The following ZNF236 variants were observed in gnomAD, a reference collection of about 807,000 sequenced individuals.
The protein encoded by ZNF236 is regulated by glucose.
ZNF236 carries 50 observed loss-of-function variants against 191.2 expected under a neutral mutation model. That is an observed-to-expected ratio of 0.26 (90% CI 0.21 to 0.33). The LOEUF (loss-of-function observed/expected upper bound fraction) is 0.33. Ranked by LOEUF, ZNF236 falls within the 10% of genes least tolerant of loss-of-function variation. The pLI is 1.00. For synonymous variants in ZNF236, 907 were observed against 928.8 expected (o/e 0.98, Z 0.43); for missense variants, 1,754 against 2,374.5 (o/e 0.74, Z 5.43).
intron 1 of ZNF236, chr18:76,824,333 G>A: frequency 1.3e-6 from 1 of 781,108 alleles, no homozygotes; most frequent in Non-Finnish European, 2.4e-6. Flanking sequence ...ACCAACAGGC[G>A]TTTCAGCGAG....
At chr18:76,871,638 T>G in intron 4 of ZNF236, 63 bp from the exon 5 acceptor site, 1 of 1,586,072 alleles carries the variant, frequency 6.3e-7, no homozygotes, top group Non-Finnish European at 8.6e-7. Flanking sequence ...AGGATTTTCA[T>G]TTTGAAATTA....
intron 1 of ZNF236, among the ~76,000 whole-genome samples, chr18:76,843,775 CAAAAA>C (rs780026489): frequency 2.1e-3 from 17 of 8,258 alleles, no homozygotes; most frequent in African/African-American, 6.8e-3. Flanking sequence ...GACTCCGTCT[CAAAAA>C]AAAAAAAAAA....
chr18:76,856,573 C>T (rs929288016), intron 3 of ZNF236, among the ~76,000 whole-genome samples: 2 of 152,124 alleles, frequency 1.3e-5, no homozygotes, highest in South Asian at 4.1e-4. Context: ...ATTTATATTT[C>T]TTTAATTATG....
chr18:76,928,935 C>G (rs1967780044), intron 25 of ZNF236, among the ~76,000 whole-genome samples: 1 of 150,906 alleles, frequency 6.6e-6, no homozygotes, highest in Non-Finnish European at 1.5e-5. Flanking sequence ...ATTTAAGACT[C>G]GTAACCTGAT....
At chr18:76,840,563 A>G (rs559923676) in intron 1 of ZNF236, among the ~76,000 whole-genome samples, 151 of 151,960 alleles carry the variant, frequency 9.9e-4, no homozygotes, top group Non-Finnish European at 1.6e-3. Flanking sequence ...ACACGAATAC[A>G]ACGAATACAT....
At chr18:76,958,639 C>G (rs972429819) in intron 28 of ZNF236, among the ~76,000 whole-genome samples, 2 of 152,194 alleles carry the variant, frequency 1.3e-5, no homozygotes, top group African/African-American at 4.8e-5. Context: ...GTGGGAACCC[C>G]AGACGGAGTG....
intron 3 of ZNF236, among the ~76,000 whole-genome samples, chr18:76,857,567 G>T (rs1422397825): frequency 1.3e-5 from 2 of 152,126 alleles, no homozygotes; most frequent in Admixed American, 6.5e-5. Context: ...AGAGTAGAAG[G>T]CTCGGGGTTT....
Position 76,881,351 on chromosome 18 carries a change from C to T in ZNF236, c.1256C>T (p.Ala419Val), listed in dbSNP as rs1325216244. 6.2e-7 allele frequency: 1 copy of T among 1,614,152 alleles called. No individual in the cohort carries two copies. ...GCACATCCTAATGACTCCTGCCATG[C>T]CAAGACCTCTGCACCACACGCTCAA... ...AAAHPNDSCH[A>V]KTSAPHAQNP... The change falls in exon 9 of 31, where the codon GCC becomes GTC. Residue 419 changes from alanine to valine, a missense_variant. Ala to Val is a moderately conservative substitution (Grantham distance 64). Coordinates refer to ENST00000320610, the MANE Select transcript of ZNF236 (RefSeq NM_001306089.2).
Position 76,905,141 on chromosome 18 carries a change from T to C in ZNF236, c.2037-14T>C. 6.3e-7 allele frequency: 1 copy of C among 1,594,504 alleles called. No homozygotes were observed. Among genetic ancestry groups the C allele is most frequent in the South Asian group, 1.1e-5 (1 of 88,472 alleles). On this transcript the variant is annotated splice_polypyrimidine_tract_variant and intron_variant, in intron 12 of 30. Transcript: ENST00000320610. ...TAAGAAACATATTCATTAAAATGTGTATTTTTTTTTAAGATCCCATACAGG... is the reference window on the plus strand; with the variant it reads ...TAAGAAACATATTCATTAAAATGTGCATTTTTTTTTAAGATCCCATACAGG...
At chr18:76,834,374 GGT>G in intron 1 of ZNF236, 1 of 178,168 alleles carries the variant, frequency 5.6e-6, no homozygotes. Flanking sequence ...CTTTCCTTAG[GGT>G]TTTTTTTTTT....
At position 76,899,056 on chromosome 18, in the gene ZNF236, A is replaced by C. The variant is rs1977514315; in HGVS notation, c.1728A>C (p.Lys576Asn). 6.2e-7 allele frequency: 1 copy of C among 1,614,060 alleles called. No homozygotes were observed. The highest frequency in any genetic ancestry group is 8.5e-7 in the Non-Finnish European group (1 of 1,180,012). ...RPFACPHCDKKFRTSGHRKTH... is the reference protein window; with the variant it reads ...RPFACPHCDKNFRTSGHRKTH... Reference sequence around the variant, plus strand: ...TTGCTTGTCCTCACTGTGACAAAAAATTTCGAACCTCAGGCCATAGGAAGA... The same window carrying C: ...TTGCTTGTCCTCACTGTGACAAAAACTTTCGAACCTCAGGCCATAGGAAGA... The change falls in exon 11 of 31, where the codon AAA becomes AAC. Residue 576 changes from lysine (K) to asparagine (N), a missense_variant. Physicochemically the swap from Lys to Asn is moderately conservative, Grantham distance 94. Coordinates refer to ENST00000320610, the MANE Select transcript of ZNF236 (RefSeq NM_001306089.2).
Position 76,899,196 on chromosome 18 carries a change from A to G in ZNF236, c.1868A>G (p.Gln623Arg). Residue 623 changes from glutamine (Q) to arginine (R), a missense_variant, in exon 11 of 31, where the codon CAG becomes CGG. Coordinates refer to ENST00000320610, the MANE Select transcript of ZNF236 (RefSeq NM_001306089.2). ...ATTCCAGTCCCTGATATTCCTTTGC[A>G]GGAACCAATCCTCATAACTGACTTA... Reference protein sequence around the residue: ...TNIPVPDIPLQEPILITDLGL... With the variant: ...TNIPVPDIPLREPILITDLGL... The G allele has an allele frequency of 6.2e-7, 1 of 1,614,062 alleles. No individual in the cohort carries two copies. Among genetic ancestry groups the G allele is most frequent in the Non-Finnish European group, 8.5e-7 (1 of 1,179,930 alleles).
At chr18:76,826,350 C>T (rs1401227483) in intron 1 of ZNF236, among the ~76,000 whole-genome samples, 2 of 149,572 alleles carry the variant, frequency 1.3e-5, no homozygotes, top group African/African-American at 2.5e-5. Flanking sequence ...TCTCGAACTC[C>T]TGACCTCAAA....
intron 4 of ZNF236, 114 bp downstream of exon 4, chr18:76,868,977 C>A: frequency 9.9e-7 from 1 of 1,013,626 alleles, no homozygotes; most frequent in East Asian, 2.6e-5. Flanking sequence ...AAGTGGAACC[C>A]CACAGATAAT....
intron 1 of ZNF236, chr18:76,834,700 A>G: frequency 2.3e-6 from 1 of 428,604 alleles, no homozygotes; most frequent in Non-Finnish European, 4.5e-6. Flanking sequence ...CAGTTTGCTG[A>G]CCTTTATAGT....
At position 76,905,168 on chromosome 18, in the gene ZNF236, G is replaced by A; in HGVS notation, c.2050G>A (p.Glu684Lys). The A allele has an allele frequency of 1.2e-6, 2 of 1,613,172 alleles. No homozygotes were observed. The highest frequency in any genetic ancestry group is 1.7e-6 in the Non-Finnish European group (2 of 1,179,450). The change falls in exon 13 of 31, where the codon GAA becomes AAA. Residue 684 changes from glutamate (E) to lysine (K), a missense_variant. Glu to Lys is a moderately conservative substitution (Grantham distance 56). Coordinates refer to ENST00000320610, the MANE Select transcript of ZNF236 (RefSeq NM_001306089.2). Reference protein sequence around the residue: ...LKQHIRSHTGEKPFKCSQCGR... With the variant: ...LKQHIRSHTGKKPFKCSQCGR... ...TTTTTTTTTAAGATCCCATACAGGT[G>A]AAAAACCTTTTAAATGTTCTCAGTG...
intron 11 of ZNF236, among the ~76,000 whole-genome samples, chr18:76,902,392 A>G (rs1331474105): frequency 6.6e-6 from 1 of 152,180 alleles, no homozygotes; most frequent in African/African-American, 2.4e-5. Flanking sequence ...TAGAATGCTC[A>G]TTGAGGAAGC....
In ZNF236 at chr18:76,875,689, C is replaced by T. The variant is rs749193773; in HGVS notation, c.840+25C>T. ...GGTAAACACGGGTTGGGGGCATAAG[C>T]GGTATTTCACAGGGGACAGTAGGTA... On this transcript the variant is annotated intron_variant, in intron 6 of 30. Transcript: ENST00000320610. This position sits in a 1 kb window ranked among gnomAD's most constrained non-coding sequence, Gnocchi z 4.3. The T allele has an allele frequency of 1.7e-5, 25 of 1,500,888 alleles. No homozygotes were observed. Among genetic ancestry groups the T allele is most frequent in the South Asian group, 2.7e-5 (2 of 74,808 alleles). 93.0% of individuals were successfully genotyped at this position (1,500,888 alleles called of 1,614,324 possible). A position where few individuals can be genotyped will look rare whatever the true frequency, so the allele number is the denominator to read the frequency against.
At chr18:76,910,226 A>G in intron 15 of ZNF236, 57 bp downstream of exon 15, 4 of 1,414,662 alleles carry the variant, frequency 2.8e-6, no homozygotes, top group South Asian at 1.2e-5. Context: ...GTTGAATTTA[A>G]TCTCATGACA....
Sources: gnomAD v4.1 joint callset for allele counts (sites outside exome capture counted in the v4.1 genomes callset) on GRCh38, gnomAD v4.1.1 for gene constraint, Gnocchi (gnomAD v3.1) non-coding constraint, MANE v1.5 for transcripts, NCBI Gene and HGNC (gene_info 2026-07-23, HGNC 2026-07-21) for gene names.